Variants in OPRK1 observed in about 807,000 individuals in gnomAD.
OPRK1 encodes opioid receptor kappa 1.
A neutral mutation model predicts 24.5 loss-of-function variants in OPRK1; 15 were observed. The observed-to-expected ratio is 0.61, with a 90% CI of 0.41 to 0.94. The LOEUF (loss-of-function observed/expected upper bound fraction) is 0.94. Among genes scored for constraint, OPRK1 ranks in the 40% least tolerant of loss-of-function variants. The pLI is 0.00. For synonymous variants in OPRK1, 205 were observed against 198.0 expected, an observed-to-expected ratio of 1.04 and a Z score of -0.30; for missense variants, 479 against 507.3, an observed-to-expected ratio of 0.94 and a Z score of 0.54.
rs1806810209 is a variant in OPRK1, at chr8:53,229,790, T to A, written c.650A>T (p.Asp217Val). ...VIECSLQFPD[D>V]DYSWWDLFMK... ...GAAGAGGTCCCACCAGGAGTAGTCA[T>A]CATCTGGGAACTGCAAGGAGCACTC... Residue 217 changes from aspartate to valine, a missense_variant, in exon 4 of 4, where the codon GAT becomes GTT. Coordinates refer to ENST00000265572, the MANE Select transcript of OPRK1 (RefSeq NM_000912.5). 2 of 1,599,512 alleles carry A rather than the reference T, an allele frequency of 1.3e-6. No individual in the cohort carries two copies. Among genetic ancestry groups the A allele is most frequent in the Admixed American group, 1.7e-5 (1 of 57,754 alleles).
At chr8:53,248,018 A>C (rs1341421219) in intron 2 of OPRK1, among the ~76,000 whole-genome samples, 1 of 146,450 alleles carries the variant, frequency 6.8e-6, no homozygotes, top group East Asian at 2.0e-4. Flanking sequence ...AAAAAAAAAA[A>C]AGAATCCTGA....
At chr8:53,250,240 A>T (rs1807340511) in intron 2 of OPRK1, among the ~76,000 whole-genome samples, 1 of 152,208 alleles carries the variant, frequency 6.6e-6, no homozygotes, top group Non-Finnish European at 1.5e-5. Context: ...AAAAAGGCTC[A>T]TATATGCATA....
intron 3 of OPRK1, 23 bp from the exon 4 acceptor site, chr8:53,229,852 A>G: frequency 3.3e-6 from 5 of 1,522,902 alleles, no homozygotes; most frequent in Non-Finnish European, 4.4e-6. Context: ...AATAAAAACC[A>G]CAACACAGAA....
At chr8:53,240,520 C>A (rs1359124976) in intron 2 of OPRK1, among the ~76,000 whole-genome samples, 2 of 152,122 alleles carry the variant, frequency 1.3e-5, no homozygotes, top group African/African-American at 4.8e-5. Flanking sequence ...GAGAGCTCTG[C>A]AGCAGCAGGG....
In OPRK1 at chr8:53,228,219, G is replaced by C. The variant is rs1806756779; in HGVS notation, c.*1078C>G. ...CAAAACACCTTCCTCTCCGTGAATA[G>C]AGAGATCTGCGAATCGCTATATGTT... On this transcript the variant is annotated 3_prime_UTR_variant, in exon 4 of 4. Coordinates refer to ENST00000265572, the MANE Select transcript of OPRK1 (RefSeq NM_000912.5). 1 of 152,216 alleles carries C rather than the reference G, an allele frequency of 6.6e-6. No individual in the cohort carries two copies. Among genetic ancestry groups the C allele is most frequent in the South Asian group, 2.1e-4 (1 of 4,834 alleles). 9.4% of individuals were successfully genotyped at this position (152,216 alleles called of 1,614,324 possible).
intron 3 of OPRK1, among the ~76,000 whole-genome samples, chr8:53,232,716 C>T (rs1393979078): frequency 6.6e-6 from 1 of 152,154 alleles, no homozygotes; most frequent in Non-Finnish European, 1.5e-5. Context: ...CTGCTGGCTC[C>T]TGTTCCAGCA....
At chr8:53,231,567 A>G (rs1806854356) in intron 3 of OPRK1, among the ~76,000 whole-genome samples, 1 of 152,152 alleles carries the variant, frequency 6.6e-6, no homozygotes, top group Non-Finnish European at 1.5e-5. Flanking sequence ...TCCCAGACAG[A>G]AGCCTGTCTG....
intron 2 of OPRK1, among the ~76,000 whole-genome samples, chr8:53,246,419 G>T (rs1350494927): frequency 1.3e-5 from 2 of 152,194 alleles, no homozygotes; most frequent in Admixed American, 6.5e-5. Flanking sequence ...ACCCATGACA[G>T]GCAGGAGGAT....
In OPRK1 at chr8:53,226,894, G is replaced by A. The variant is rs201048635; in HGVS notation, c.*2403C>T. ...CTCCTTGGGCTGCAGACTTACATAT[G>A]AGGAGATGCAGGAAAATCAGGCAAA... On this transcript the variant is annotated 3_prime_UTR_variant, in exon 4 of 4. Coordinates refer to ENST00000265572, the MANE Select transcript of OPRK1 (RefSeq NM_000912.5). 8 of 152,210 alleles carry A rather than the reference G, an allele frequency of 5.3e-5. No individual in the cohort carries two copies. Among genetic ancestry groups the A allele is most frequent in the Non-Finnish European group, 1.0e-4 (7 of 68,070 alleles). 9.4% of individuals were successfully genotyped at this position (152,210 alleles called of 1,614,324 possible).
At chr8:53,248,528 C>T (rs1250213651) in intron 2 of OPRK1, among the ~76,000 whole-genome samples, 3 of 152,328 alleles carry the variant, frequency 2.0e-5, no homozygotes, top group Admixed American at 1.3e-4. Flanking sequence ...ATGATCACAA[C>T]GCAACCCACT....
rs202014849 is a variant in OPRK1, at chr8:53,229,674, C to T, written c.766G>A (p.Val256Ile). ...TCTCGGGAGCCAGAAAGGAGCCGGA[C>T]GCTCTTGAGACGCAGGATCATCAGG... ...YTLMILRLKSVRLLSGSREKD... is the reference protein window; with the variant it reads ...YTLMILRLKSIRLLSGSREKD... Residue 256 changes from valine to isoleucine, a missense_variant, in exon 4 of 4, where the codon GTC (valine) becomes ATC (isoleucine). Val to Ile is a conservative substitution (Grantham distance 29). Coordinates refer to ENST00000265572, the MANE Select transcript of OPRK1 (RefSeq NM_000912.5). 122 of 1,614,068 alleles carry T rather than the reference C, an allele frequency of 7.6e-5. 1 individual carries two copies. The Admixed American group carries it at 1.0e-3, about 13-fold the overall frequency.
At chr8:53,242,723 G>C (rs564745073) in intron 2 of OPRK1, 2 of 771,776 alleles carry the variant, frequency 2.6e-6, no homozygotes, top group South Asian at 4.3e-5. Flanking sequence ...AGCCAGGATG[G>C]TCTCCATCTC....
intron 2 of OPRK1, among the ~76,000 whole-genome samples, chr8:53,248,537 C>T (rs1483341357): frequency 1.3e-5 from 2 of 152,210 alleles, no homozygotes; most frequent in Non-Finnish European, 2.9e-5. Context: ...ACGCAACCCA[C>T]TTCATGCCAC....
In OPRK1 at chr8:53,229,774, C is replaced by T. The variant is rs1806809546; in HGVS notation, c.666G>A (p.Trp222Ter). The T allele has an allele frequency of 1.2e-6, 2 of 1,609,316 alleles. No homozygotes were observed. The highest frequency in any genetic ancestry group is 1.7e-6 in the Non-Finnish European group (2 of 1,178,072). The change falls in exon 4 of 4, where the codon TGG (tryptophan) becomes TGA (stop). Residue 222 changes from tryptophan to a stop codon, truncating the protein, a stop_gained. Transcript: ENST00000265572. LOFTEE classifies it high-confidence loss of function. ...AGACGCAGATCTTCATGAAGAGGTC[C>T]CACCAGGAGTAGTCATCATCTGGGA... ...LQFPDDDYSW[W>*]DLFMKICVFI... is the part of the protein sequence containing the mutation.
chr8:53,247,990 CAAAAAAAAAAAAAAAAAAAA>C (rs767911838), intron 2 of OPRK1, among the ~76,000 whole-genome samples: 4 of 32,342 alleles, frequency 1.2e-4, no homozygotes, highest in Non-Finnish European at 2.3e-4. Context: ...GATTCTGTCT[CAAAAAAAAAAAAAAAAAAAA>C]AAAAAAAAAG....
At chr8:53,242,295 A>G (rs1807133466) in intron 2 of OPRK1, among the ~76,000 whole-genome samples, 1 of 152,160 alleles carries the variant, frequency 6.6e-6, no homozygotes, top group African/African-American at 2.4e-5. Context: ...GGGCTAAGCA[A>G]ACTGGGCTGT....
chr8:53,231,284 G>A, intron 3 of OPRK1, among the ~76,000 whole-genome samples: 1 of 151,878 alleles, frequency 6.6e-6, no homozygotes, highest in East Asian at 1.9e-4. Flanking sequence ...ACTTTTGATG[G>A]GTGACACATG....
At position 53,227,170 on chromosome 8, in the gene OPRK1, A is replaced by C. The variant is rs1019538988; in HGVS notation, c.*2127T>G. The C allele has an allele frequency of 1.3e-5, 2 of 152,162 alleles. No individual in the cohort carries two copies. Among genetic ancestry groups the C allele is most frequent in the African/African-American group, 4.8e-5 (2 of 41,356 alleles). The allele number at this position is 152,162 out of a possible 1,614,324, so 9.4% of individuals were successfully genotyped here. The stretch of plus-strand genomic sequence containing the variant: ...CTACTTAGGAGGCAGAGGCAGGAGA[A>C]TCGCTTGAACCCAGGAGGTGGAGGT... On this transcript the variant is annotated 3_prime_UTR_variant, in exon 4 of 4. Transcript: ENST00000265572.
chr8:53,246,720 G>GCAGT (rs1362356227), intron 2 of OPRK1, among the ~76,000 whole-genome samples: 1 of 152,166 alleles, frequency 6.6e-6, no homozygotes, highest in Non-Finnish European at 1.5e-5. Flanking sequence ...ATGTAGAGAA[G>GCAGT]CAGTGTTCCT....
Sources: gnomAD v4.1 joint callset for allele counts (sites outside exome capture counted in the v4.1 genomes callset) on GRCh38, gnomAD v4.1.1 for gene constraint, MANE v1.5 for transcripts, NCBI Gene and HGNC (gene_info 2026-07-23, HGNC 2026-07-21) for gene names.